The following MYOM2 variants were observed in gnomAD, a reference collection of about 807,000 sequenced individuals.
The protein encoded by MYOM2 is myomesin-2.
A neutral mutation model predicts 187.6 loss-of-function variants in MYOM2; 254 were observed. That is an observed-to-expected ratio of 1.35 (90% CI 1.22 to 1.50). The LOEUF is 1.50. MYOM2 is among the 40% of genes most tolerant of loss of function. The pLI, the probability that MYOM2 is intolerant of heterozygous loss-of-function variation, is 0.00. For synonymous variants in MYOM2, 981 were observed against 753.8 expected, an observed-to-expected ratio of 1.30 and a Z score of -4.94; for missense variants, 2,796 against 1,924.0, an observed-to-expected ratio of 1.45 and a Z score of -8.48.
intron 3 of MYOM2, 44 bp from the exon 4 acceptor site, chr8:2,057,304 T>C: frequency 6.4e-7 from 1 of 1,568,676 alleles, no homozygotes; most frequent in South Asian, 1.2e-5. Flanking sequence ...CACGTGGTTT[T>C]CTTCGTGACT....
At chr8:2,110,255 C>A (rs1177445564) in intron 25 of MYOM2, among the ~76,000 whole-genome samples, 1 of 152,170 alleles carries the variant, frequency 6.6e-6, no homozygotes, top group Non-Finnish European at 1.5e-5. Flanking sequence ...CCTGAGAGGT[C>A]CGAGCTGCAG....
rs57634834 is a variant in MYOM2, at chr8:2,067,345, C to A, written c.654-1933C>A. On this transcript the variant is annotated intron_variant, in intron 6 of 36. Coordinates refer to ENST00000262113, the MANE Select transcript of MYOM2 (RefSeq NM_003970.4). ...ACTTTTTGTGTTGTTTCTTTTCCCA[C>A]GTTAAGATTCTGCTCAGGTGTCCAT... Among the ~76,000 whole-genome samples, 973 of 152,222 alleles carry A rather than the reference C, an allele frequency of 6.4e-3. 16 individuals are homozygous for A. Among genetic ancestry groups the A allele is most frequent in the African/African-American group, 0.022 (902 of 41,530 alleles).
chr8:2,064,743 G>A (rs1339538161), intron 6 of MYOM2, among the ~76,000 whole-genome samples: 2 of 152,154 alleles, frequency 1.3e-5, no homozygotes, highest in Admixed American at 1.3e-4. Context: ...GGGGGGCCGT[G>A]GCCTGGGGAA....
intron 1 of MYOM2, among the ~76,000 whole-genome samples, chr8:2,046,265 G>A (rs772378095): frequency 6.6e-6 from 1 of 152,232 alleles, no homozygotes; most frequent in African/African-American, 2.4e-5. Context: ...GGCTCCACAC[G>A]TTGTTTGCAG....
chr8:2,051,376 G>T (rs571495623), intron 2 of MYOM2, among the ~76,000 whole-genome samples: 1 of 152,102 alleles, frequency 6.6e-6, no homozygotes, highest in Non-Finnish European at 1.5e-5. Context: ...AAGCTTCTCG[G>T]GGATGGCCTC....
intron 15 of MYOM2, among the ~76,000 whole-genome samples, chr8:2,091,804 G>T (rs1470157600): frequency 6.6e-6 from 1 of 152,188 alleles, no homozygotes; most frequent in Non-Finnish European, 1.5e-5. Context: ...ACACTGTGGG[G>T]TGTGTGGCCC....
Position 2,103,767 on chromosome 8 carries a change from G to T in MYOM2, c.2734+986G>T, listed in dbSNP as rs547659597. Among the ~76,000 whole-genome samples, 15 of 151,626 alleles carry T rather than the reference G, an allele frequency of 9.9e-5. No individual in the cohort carries two copies. The South Asian group carries it at 1.5e-3, about 15-fold the overall frequency. The stretch of plus-strand genomic sequence containing the variant: ...TATGGATAAATGAGTGGGAGAGCAT[G>T]CATGTGTTATGTGTTTATGTGTATG... On this transcript the variant is annotated intron_variant, in intron 21 of 36. Coordinates refer to ENST00000262113, the MANE Select transcript of MYOM2 (RefSeq NM_003970.4).
At chr8:2,141,728 G>C (rs1168390347) in intron 34 of MYOM2, among the ~76,000 whole-genome samples, 1 of 152,138 alleles carries the variant, frequency 6.6e-6, no homozygotes, top group Non-Finnish European at 1.5e-5. Context: ...GTCATTTGTG[G>C]TTTATGGCCA....
intron 21 of MYOM2, 73 bp downstream of exon 21, chr8:2,102,854 G>T: frequency 8.2e-7 from 1 of 1,219,242 alleles, no homozygotes; most frequent in African/African-American, 1.5e-5. Context: ...TGGATGTATG[G>T]ATGAGGGTGT....
chr8:2,117,986 A>G, intron 28 of MYOM2, 34 bp downstream of exon 28: 1 of 1,592,120 alleles, frequency 6.3e-7, no homozygotes, highest in Non-Finnish European at 8.6e-7. Context: ...AAAACAATAA[A>G]TCTCATTCTG....
rs371353648 is a variant in MYOM2, at chr8:2,107,675, C to A, written c.2998+1078C>A. ...GACAAATGAGGAGGCCGCACTGTCTCGCCTTTCTGGGGTCCTCAGTTCACC... is the reference window on the plus strand; with the variant it reads ...GACAAATGAGGAGGCCGCACTGTCTAGCCTTTCTGGGGTCCTCAGTTCACC... On this transcript the variant is annotated intron_variant, in intron 23 of 36. Coordinates refer to ENST00000262113, the MANE Select transcript of MYOM2 (RefSeq NM_003970.4). 4.5e-4 allele frequency among the ~76,000 whole-genome samples: 68 copies of A among 152,236 alleles called. 2 individuals are homozygous for A. The highest frequency in any genetic ancestry group is 1.4e-3 in the African/African-American group (59 of 41,534).
intron 23 of MYOM2, 103 bp downstream of exon 23, chr8:2,106,700 G>T (rs1363425911): frequency 1.2e-6 from 1 of 839,028 alleles, no homozygotes; most frequent in South Asian, 1.9e-5. Context: ...AAAGACGTAT[G>T]TTTGCAGGAG....
intron 28 of MYOM2, among the ~76,000 whole-genome samples, chr8:2,120,477 G>A (rs951450392): frequency 6.6e-6 from 1 of 150,672 alleles, no homozygotes; most frequent in Non-Finnish European, 1.5e-5. Context: ...CAGTGCACTC[G>A]GGAGTGGACC....
chr8:2,117,804 G>C, intron 27 of MYOM2, 81 bp from the exon 28 acceptor site: 1 of 856,018 alleles, frequency 1.2e-6, no homozygotes, highest in South Asian at 1.7e-5. Context: ...TATATGTGTG[G>C]GTATATATAT....
chr8:2,094,557 C>T (rs1290585877), intron 17 of MYOM2, among the ~76,000 whole-genome samples: 4 of 152,188 alleles, frequency 2.6e-5, no homozygotes, highest in Non-Finnish European at 1.5e-5. Context: ...TAGGCTGAGG[C>T]AGGAGAGTCA....
chr8:2,054,884 GGA>G (rs1818605168), intron 3 of MYOM2, among the ~76,000 whole-genome samples: 1 of 128,018 alleles, frequency 7.8e-6, no homozygotes, highest in Non-Finnish European at 1.9e-5. Flanking sequence ...CCTGGCACCT[GGA>G]TACTGGGGAA....
chr8:2,074,766 C>T (rs1324380696), intron 10 of MYOM2, among the ~76,000 whole-genome samples: 1 of 152,204 alleles, frequency 6.6e-6, no homozygotes, highest in African/African-American at 2.4e-5. Flanking sequence ...CCCACCTACG[C>T]TTTTATCAGT....
At chr8:2,053,748 A>G (rs7463722) in intron 3 of MYOM2, among the ~76,000 whole-genome samples, 130,207 of 152,216 alleles carry the variant, frequency 0.86, 55,860 homozygotes, top group East Asian at 0.97. Context: ...AGTCTGTCTT[A>G]GACGTAGTAG....
chr8:2,106,327 G>T lies in MYOM2; in HGVS notation c.2820G>T (p.Gln940His). ...GCCAGGAAATGACAGACGCGTCTCA[G>T]TTCACCTGGTGTAAATCCTACGAGG... ...FDCQEMTDAS[Q>H]FTWCKSYEEI... The change falls in exon 22 of 37, where the codon CAG becomes CAT. Residue 940 changes from glutamine to histidine, a missense_variant. Physicochemically the swap from Gln to His is conservative, Grantham distance 24. Transcript: ENST00000262113. 7 of 1,614,230 alleles carry T rather than the reference G, an allele frequency of 4.3e-6. No homozygotes were observed. Among genetic ancestry groups the T allele is most frequent in the Admixed American group, 1.7e-5 (1 of 60,030 alleles).
Sources: allele counts gnomAD v4.1 joint callset (sites outside exome capture counted in the v4.1 genomes callset), GRCh38; gene constraint gnomAD v4.1.1; transcripts MANE v1.5; gene names NCBI Gene and HGNC (gene_info 2026-07-23, HGNC 2026-07-21).